Variants in CNTNAP2 observed in about 807,000 individuals in gnomAD.
The protein encoded by CNTNAP2 is contactin-associated protein-like 2.
Under a neutral mutation model 155.2 loss-of-function variants are expected in CNTNAP2, and 98 were observed. The ratio of observed to expected loss-of-function variants is 0.63; its 90% CI spans 0.54 to 0.75. The LOEUF is 0.75. CNTNAP2 is among the 30% of genes least tolerant of loss of function. CNTNAP2 has a pLI of 0.00. For missense variants in CNTNAP2, 1,727 were observed against 1,688.1 expected (o/e 1.02, Z -0.40); for synonymous variants, 651 against 631.2 (o/e 1.03, Z -0.47).
At chr7:146,143,173 A>C (rs1584770212) in intron 1 of CNTNAP2, among the ~76,000 whole-genome samples, 1 of 152,166 alleles carries the variant, frequency 6.6e-6, no homozygotes, top group East Asian at 1.9e-4. Flanking sequence ...GAATGACTTC[A>C]TTGCTGTTTG....
At chr7:147,667,031 T>C (rs1207027163) in intron 13 of CNTNAP2, among the ~76,000 whole-genome samples, 4 of 152,180 alleles carry the variant, frequency 2.6e-5, no homozygotes, top group African/African-American at 9.7e-5. Context: ...AGCACCATGA[T>C]GATCACAGCC....
At chr7:147,651,766 A>C (rs1795454092) in intron 13 of CNTNAP2, among the ~76,000 whole-genome samples, 1 of 152,240 alleles carries the variant, frequency 6.6e-6, no homozygotes, top group Non-Finnish European at 1.5e-5. Context: ...GTGTTGTTTC[A>C]GAAAAGTTGG....
At chr7:146,134,447 G>A (rs1473754845) in intron 1 of CNTNAP2, among the ~76,000 whole-genome samples, 2 of 150,942 alleles carry the variant, frequency 1.3e-5, no homozygotes, top group Non-Finnish European at 3.0e-5. Context: ...CCAACACTAT[G>A]TTGAATAGGA....
intron 13 of CNTNAP2, among the ~76,000 whole-genome samples, chr7:147,838,803 C>A (rs1346179961): frequency 6.6e-6 from 1 of 152,178 alleles, no homozygotes; most frequent in Non-Finnish European, 1.5e-5. Context: ...CCAAACTATT[C>A]CAACCTCTGC....
At chr7:147,065,260 A>C (rs1310813068) in intron 4 of CNTNAP2, among the ~76,000 whole-genome samples, 1 of 152,174 alleles carries the variant, frequency 6.6e-6, no homozygotes, top group Non-Finnish European at 1.5e-5. Flanking sequence ...TTAATGGAAA[A>C]TGTCTTGCAC....
At chr7:147,441,908 G>A (rs1475409901) in intron 10 of CNTNAP2, among the ~76,000 whole-genome samples, 1 of 139,626 alleles carries the variant, frequency 7.2e-6, no homozygotes, top group Admixed American at 7.5e-5. Context: ...GCCACGTGGA[G>A]CTGGGAGTGG....
chr7:148,193,569 T>C (rs1206390370), intron 18 of CNTNAP2, among the ~76,000 whole-genome samples: 1 of 152,136 alleles, frequency 6.6e-6, no homozygotes, highest in African/African-American at 2.4e-5. Flanking sequence ...ATGAGGATTC[T>C]GGGACCTAAA....
At chr7:146,246,236 T>TAG (rs1554406877) in intron 1 of CNTNAP2, among the ~76,000 whole-genome samples, 3 of 149,278 alleles carry the variant, frequency 2.0e-5, no homozygotes, top group Admixed American at 6.7e-5. Flanking sequence ...TGGGTTAAGG[T>TAG]GGGGTAATAC....
intron 15 of CNTNAP2, among the ~76,000 whole-genome samples, chr7:148,013,592 T>C (rs542005906): frequency 8.5e-5 from 13 of 152,320 alleles, no homozygotes; most frequent in African/African-American, 3.1e-4. Context: ...TTGTGTATTA[T>C]TGGCCAAAAT....
At chr7:147,747,924 C>T (rs897656751) in intron 13 of CNTNAP2, among the ~76,000 whole-genome samples, 2 of 152,242 alleles carry the variant, frequency 1.3e-5, no homozygotes, top group Non-Finnish European at 2.9e-5. Flanking sequence ...TGAGATGAAG[C>T]TTATCTTGCA....
At chr7:147,004,975 A>T (rs929100665) in intron 3 of CNTNAP2, among the ~76,000 whole-genome samples, 1 of 152,238 alleles carries the variant, frequency 6.6e-6, no homozygotes. Context: ...TTTTATGTGT[A>T]TTTAAATAAT....
At chr7:146,409,597 C>T (rs377640301) in intron 1 of CNTNAP2, among the ~76,000 whole-genome samples, 4 of 152,144 alleles carry the variant, frequency 2.6e-5, no homozygotes, top group African/African-American at 9.6e-5. Flanking sequence ...ATCACAAAAA[C>T]TGGGTCATGA....
At chr7:148,382,855 T>C (rs772268913) in intron 21 of CNTNAP2, among the ~76,000 whole-genome samples, 3 of 152,252 alleles carry the variant, frequency 2.0e-5, no homozygotes, top group Non-Finnish European at 4.4e-5. Flanking sequence ...CAACATTTGT[T>C]TCTGTTAGTT....
chr7:146,771,643 ATAAC>A (rs1465983126), intron 1 of CNTNAP2, among the ~76,000 whole-genome samples: 2 of 152,226 alleles, frequency 1.3e-5, no homozygotes, highest in African/African-American at 2.4e-5. Context: ...GGCACGCAGT[ATAAC>A]TAAGAAAAAT....
intron 9 of CNTNAP2, chr7:147,378,087 T>C (rs745398159): frequency 2.2e-6 from 1 of 462,426 alleles, no homozygotes; most frequent in South Asian, 1.6e-5. Context: ...CAAAAACCAC[T>C]ATTACTTTTG....
At chr7:146,513,701 T>C (rs1797500600) in intron 1 of CNTNAP2, among the ~76,000 whole-genome samples, 1 of 152,026 alleles carries the variant, frequency 6.6e-6, no homozygotes, top group Non-Finnish European at 1.5e-5. Context: ...CTTCATACTA[T>C]AGATATGAGT....
At chr7:146,508,336 A>T (rs1319208215) in intron 1 of CNTNAP2, among the ~76,000 whole-genome samples, 5 of 152,194 alleles carry the variant, frequency 3.3e-5, no homozygotes, top group Non-Finnish European at 7.3e-5. Context: ...TTGTAAAACC[A>T]AGCTGTGAAA....
intron 11 of CNTNAP2, among the ~76,000 whole-genome samples, chr7:147,546,110 G>A (rs1166305497): frequency 6.6e-6 from 1 of 152,036 alleles, no homozygotes; most frequent in Non-Finnish European, 1.5e-5. Context: ...AACATCATGA[G>A]AACAGACTAA....
intron 3 of CNTNAP2, among the ~76,000 whole-genome samples, chr7:146,952,602 G>A (rs1348658866): frequency 1.3e-5 from 2 of 151,934 alleles, no homozygotes; most frequent in African/African-American, 2.4e-5. Flanking sequence ...AAATCAATGT[G>A]CAAAAATCAC....
Sources: gnomAD v4.1 joint callset for allele counts (sites outside exome capture counted in the v4.1 genomes callset) on GRCh38, gnomAD v4.1.1 for gene constraint, MANE v1.5 for transcripts, NCBI Gene and HGNC (gene_info 2026-07-23, HGNC 2026-07-21) for gene names.